RYK: variants seen among roughly 807,000 people sequenced by gnomAD.
RYK encodes receptor like tyrosine kinase, also known as inactive tyrosine-protein kinase RYK.
In RYK, 21 loss-of-function variants were observed where a neutral mutation model predicts 70.2. The observed-to-expected ratio is 0.30, with a 90% CI of 0.21 to 0.43. The LOEUF (loss-of-function observed/expected upper bound fraction) is 0.43. Ranked by LOEUF, RYK falls within the 20% of genes least tolerant of loss-of-function variation. RYK has a pLI of 1.00. For synonymous variants in RYK, 267 were observed against 278.0 expected (o/e 0.96, Z 0.39); for missense variants, 604 against 753.3 (o/e 0.80, Z 2.32).
chr3:134,159,510 T>A (rs2012379154), intron 13 of RYK, 137 bp from the exon 14 acceptor site: 4 of 749,178 alleles, frequency 5.3e-6, no homozygotes, highest in South Asian at 5.1e-5. Context: ...TACAAAAAAA[T>A]GTCTATCATA....
rs761195238 is a variant in RYK, at chr3:134,175,616, C to G, written c.1568G>C (p.Ser523Thr). ...GGGGGTCCCGGCACTTACCACATCA[C>G]TAGCGCTAGAGAACTCGTTATTAAC... ...SLVNNEFSSASDVWAFGVTLW... is the reference protein window; with the variant it reads ...SLVNNEFSSATDVWAFGVTLW... Residue 523 changes from serine (S) to threonine (T), a missense_variant, in exon 13 of 15, where the codon AGT (serine) becomes ACT (threonine). This residue lies in a region of RYK where 138 missense variants were observed against 217.4 expected (regional missense o/e 0.63). Transcript: ENST00000623711. The G allele has an allele frequency of 6.2e-7, 1 of 1,613,646 alleles. No homozygotes were observed. The highest frequency in any genetic ancestry group is 8.5e-7 in the Non-Finnish European group (1 of 1,179,820).
chr3:134,228,340 G>A (rs2014965133), intron 1 of RYK, among the ~76,000 whole-genome samples: 2 of 151,988 alleles, frequency 1.3e-5, no homozygotes, highest in Non-Finnish European at 2.9e-5. Flanking sequence ...CGCACTACTG[G>A]GTATATATCC....
At position 134,168,618 on chromosome 3, in the gene RYK, C is replaced by A. The variant is rs112449187; in HGVS notation, c.1575+6991G>T. On this transcript the variant is annotated intron_variant, in intron 13 of 14. Coordinates refer to ENST00000623711, the MANE Select transcript of RYK (RefSeq NM_002958.4). ...GGGGAACATCACACACCGGGGCCTT[C>A]GTAGGGTAGGGGGATGGGGGAGGGA... is the stretch of plus-strand genomic sequence containing the variant. Among the ~76,000 whole-genome samples, 33 of 62,706 alleles carry A rather than the reference C, an allele frequency of 5.3e-4. No homozygotes were observed. The East Asian group carries it at 0.011, about 21-fold the overall frequency. The allele number at this position is 62,706 out of a possible 152,430, so 41.1% of individuals were successfully genotyped here. A position where few individuals can be genotyped will look rare whatever the true frequency, so the allele number is the denominator to read the frequency against.
intron 13 of RYK, among the ~76,000 whole-genome samples, chr3:134,168,022 GCTC>G (rs2012748024): frequency 6.6e-6 from 1 of 152,196 alleles, no homozygotes; most frequent in Non-Finnish European, 1.5e-5. Flanking sequence ...ATGAAAAAAT[GCTC>G]ATCATCACTG....
intron 13 of RYK, 65 bp from the exon 14 acceptor site, chr3:134,159,438 C>T (rs181233478): frequency 2.9e-4 from 414 of 1,447,754 alleles, no homozygotes; most frequent in Non-Finnish European, 3.4e-4. Flanking sequence ...CTAGCGCCCA[C>T]AGCCAGCTAC....
intron 1 of RYK, among the ~76,000 whole-genome samples, chr3:134,243,340 A>T (rs1323510443): frequency 6.6e-6 from 1 of 152,014 alleles, no homozygotes; most frequent in Non-Finnish European, 1.5e-5. Flanking sequence ...GCCTTAGTTG[A>T]TCCCTCTTAT....
intron 13 of RYK, among the ~76,000 whole-genome samples, chr3:134,164,661 C>T (rs891812813): frequency 2.6e-5 from 4 of 152,218 alleles, no homozygotes; most frequent in Non-Finnish European, 4.4e-5. Flanking sequence ...TGTTGATAAG[C>T]ATTTGAATTA....
chr3:134,226,449 C>G (rs995365180), intron 1 of RYK, among the ~76,000 whole-genome samples: 6 of 152,144 alleles, frequency 3.9e-5, no homozygotes, highest in Non-Finnish European at 5.9e-5. Flanking sequence ...CTTACATAAA[C>G]TCTATCAGAA....
At chr3:134,246,947 C>T (rs1031148021) in intron 1 of RYK, among the ~76,000 whole-genome samples, 1 of 151,760 alleles carries the variant, frequency 6.6e-6, no homozygotes, top group African/African-American at 2.4e-5. Flanking sequence ...TAAGAGGAAA[C>T]CAAGTGGCAC....
chr3:134,205,748 C>T (rs1358643699), intron 5 of RYK, among the ~76,000 whole-genome samples: 1 of 152,218 alleles, frequency 6.6e-6, no homozygotes, highest in Non-Finnish European at 1.5e-5. Context: ...GTTCCCAAAT[C>T]CCCTGTGCTT....
At chr3:134,165,949 C>T (rs762554425) in intron 13 of RYK, among the ~76,000 whole-genome samples, 40 of 152,226 alleles carry the variant, frequency 2.6e-4, no homozygotes, top group African/African-American at 8.4e-4. Context: ...CAGATTTAGA[C>T]GACATTTAAA....
At chr3:134,167,790 A>C (rs1212571732) in intron 13 of RYK, among the ~76,000 whole-genome samples, 1 of 152,220 alleles carries the variant, frequency 6.6e-6, no homozygotes, top group Non-Finnish European at 1.5e-5. Context: ...TAATTAAACT[A>C]AAGAGCTTCT....
At chr3:134,249,916 C>CG (rs2015563411) in intron 1 of RYK, among the ~76,000 whole-genome samples, 1 of 86,594 alleles carries the variant, frequency 1.2e-5, no homozygotes, top group African/African-American at 8.1e-5. Context: ...CTTTCTCTCT[C>CG]GTTTTTTTTT....
intron 1 of RYK, among the ~76,000 whole-genome samples, chr3:134,226,943 C>T (rs191947954): frequency 1.9e-4 from 29 of 152,070 alleles, no homozygotes; most frequent in African/African-American, 5.8e-4. Context: ...AACCTTGTAC[C>T]GGAGGTCCTA....
At chr3:134,224,287 G>C (rs923077607) in intron 1 of RYK, among the ~76,000 whole-genome samples, 1 of 152,150 alleles carries the variant, frequency 6.6e-6, no homozygotes, top group African/African-American at 2.4e-5. Context: ...CATAAGTCAC[G>C]TGTCCGACGG....
chr3:134,217,227 T>A (rs1371533240), intron 2 of RYK, among the ~76,000 whole-genome samples: 1 of 152,230 alleles, frequency 6.6e-6, no homozygotes, highest in African/African-American at 2.4e-5. Flanking sequence ...TATTTCATCT[T>A]CTGGCAAACC....
chr3:134,196,132 T>C (rs2013803520), intron 6 of RYK, among the ~76,000 whole-genome samples: 1 of 152,178 alleles, frequency 6.6e-6, no homozygotes, highest in Non-Finnish European at 1.5e-5. Context: ...ATTGTAAACC[T>C]TGTGTTCAAG....
In RYK at chr3:134,183,909, T is replaced by C. The variant is rs2013381181; in HGVS notation, c.1103-838A>G. On this transcript the variant is annotated intron_variant, in intron 9 of 14. Coordinates refer to ENST00000623711, the MANE Select transcript of RYK (RefSeq NM_002958.4). ...GGTATATTAAATTTCAAAAACAAGGTACAACTTGTGTTTACATATCCTAAT... is the reference window on the plus strand; with the variant it reads ...GGTATATTAAATTTCAAAAACAAGGCACAACTTGTGTTTACATATCCTAAT... 3.3e-5 allele frequency among the ~76,000 whole-genome samples: 5 copies of C among 152,220 alleles called. No homozygotes were observed. The South Asian group carries it at 1.0e-3, about 32-fold the overall frequency.
Position 134,221,298 on chromosome 3 carries a change from G to A in RYK, c.354+1120C>T, listed in dbSNP as rs7644230. Among the ~76,000 whole-genome samples the A allele has an allele frequency of 3.1e-3, 435 of 138,358 alleles. 1 individual carries two copies. Among genetic ancestry groups the A allele is most frequent in the African/African-American group, 0.011 (406 of 36,242 alleles). The allele number at this position is 138,358 out of a possible 152,430, so 90.8% of individuals were successfully genotyped here. A position where few individuals can be genotyped will look rare whatever the true frequency, so the allele number is the denominator to read the frequency against. ...CGGCTCACTGCAACCTCCGCCTCCCGGGTTCAAGTGATTCTCCTGCCTCAG... is the reference window on the plus strand; with the variant it reads ...CGGCTCACTGCAACCTCCGCCTCCCAGGTTCAAGTGATTCTCCTGCCTCAG... On this transcript the variant is annotated intron_variant, in intron 2 of 14. Coordinates refer to ENST00000623711, the MANE Select transcript of RYK (RefSeq NM_002958.4).
Sources: gnomAD v4.1 joint callset for allele counts (sites outside exome capture counted in the v4.1 genomes callset) on GRCh38, gnomAD v4.1.1 for gene constraint, gnomAD v4.1.1 regional missense constraint, MANE v1.5 for transcripts, NCBI Gene and HGNC (gene_info 2026-07-23, HGNC 2026-07-21) for gene names.